Variants in ADAM19 observed in about 807,000 individuals in gnomAD.
ADAM19 encodes ADAM metallopeptidase domain 19, also known as disintegrin and metalloproteinase domain-containing protein 19.
In ADAM19, 65 loss-of-function variants were observed where a neutral mutation model predicts 114.7. The ratio of observed to expected loss-of-function variants is 0.57; its 90% CI spans 0.46 to 0.70. The LOEUF (loss-of-function observed/expected upper bound fraction) is 0.70, where lower values mean the gene tolerates loss of function less well. Among genes scored for constraint, ADAM19 ranks in the 30% least tolerant of loss-of-function variants. ADAM19 has a pLI of 0.00. For synonymous variants in ADAM19, 466 were observed against 460.5 expected (o/e 1.01, Z -0.15); for missense variants, 1,063 against 1,204.7 (o/e 0.88, Z 1.74).
intron 3 of ADAM19, among the ~76,000 whole-genome samples, chr5:157,560,425 C>A (rs993066342): frequency 2.0e-5 from 3 of 152,120 alleles, no homozygotes; most frequent in African/African-American, 4.8e-5. Flanking sequence ...GAGGTCAATG[C>A]TATGTCCACT....
intron 5 of ADAM19, among the ~76,000 whole-genome samples, chr5:157,527,134 G>C (rs1756487099): frequency 1.3e-5 from 2 of 152,180 alleles, no homozygotes; most frequent in African/African-American, 4.8e-5. Flanking sequence ...CAGTCATGGT[G>C]GATGGCAAAG....
intron 3 of ADAM19, among the ~76,000 whole-genome samples, chr5:157,550,646 A>G (rs1757168575): frequency 6.6e-6 from 1 of 151,852 alleles, no homozygotes; most frequent in South Asian, 2.1e-4. Context: ...AAATGAGTGA[A>G]CTATATGGTA....
In ADAM19 at chr5:157,532,970, G is replaced by A. The variant is rs536735210; in HGVS notation, c.331-2087C>T. On this transcript the variant is annotated intron_variant, in intron 4 of 22. Coordinates refer to ENST00000257527, the MANE Select transcript of ADAM19 (RefSeq NM_033274.5). ...GAGCTAGTAGAGTACTTGGCCGAGA[G>A]TGGCAGGCGATAAACATCGGCAACC... is the stretch of plus-strand genomic sequence containing the variant. 1.8e-4 allele frequency among the ~76,000 whole-genome samples: 27 copies of A among 152,320 alleles called. No individual in the cohort carries two copies. In the South Asian group the frequency reaches 5.4e-3, roughly 30 times the overall value.
intron 19 of ADAM19, 22 bp downstream of exon 19, chr5:157,490,288 C>A (rs1244559831): frequency 1.2e-6 from 2 of 1,613,238 alleles, no homozygotes; most frequent in Non-Finnish European, 8.5e-7. Flanking sequence ...GACCCTGAGT[C>A]CTCCATTGAA....
intron 15 of ADAM19, 87 bp downstream of exon 15, chr5:157,494,600 T>A: frequency 1.8e-6 from 2 of 1,089,928 alleles, no homozygotes; most frequent in Non-Finnish European, 2.8e-6. Flanking sequence ...CTGGGGCCAG[T>A]CACACTGCTG....
intron 1 of ADAM19, among the ~76,000 whole-genome samples, chr5:157,573,792 G>A (rs1757895036): frequency 6.6e-6 from 1 of 151,518 alleles, no homozygotes; most frequent in Non-Finnish European, 1.5e-5. Context: ...AATTAAAAAA[G>A]AAAGATAACC....
intron 11 of ADAM19, among the ~76,000 whole-genome samples, chr5:157,503,525 T>A (rs932849914): frequency 6.6e-5 from 10 of 152,144 alleles, no homozygotes; most frequent in African/African-American, 2.4e-4. Flanking sequence ...TCCTTAGTGA[T>A]GAGATATTAA....
At chr5:157,507,250 C>A (rs569755383) in intron 9 of ADAM19, 110 bp from the exon 10 acceptor site, 1 of 1,040,738 alleles carries the variant, frequency 9.6e-7, no homozygotes, top group East Asian at 2.6e-5. Flanking sequence ...CTGACTTTCC[C>A]AGGTCATTCC....
chr5:157,525,028 T>C (rs1417139947), intron 5 of ADAM19, among the ~76,000 whole-genome samples: 2 of 152,178 alleles, frequency 1.3e-5, no homozygotes, highest in Non-Finnish European at 2.9e-5. Context: ...GTCAAGGAGT[T>C]TGCACTCCTC....
intron 2 of ADAM19, among the ~76,000 whole-genome samples, chr5:157,567,775 C>G (rs1359157712): frequency 3.4e-5 from 5 of 145,898 alleles, no homozygotes; most frequent in African/African-American, 1.3e-4. Flanking sequence ...CCAGCCTAGG[C>G]AACAAGAGCG....
At chr5:157,491,163 G>A (rs1336586159) in intron 18 of ADAM19, among the ~76,000 whole-genome samples, 4 of 150,936 alleles carry the variant, frequency 2.7e-5, no homozygotes, top group African/African-American at 9.8e-5. Flanking sequence ...AGAAATCATA[G>A]TGCTAGAATC....
At chr5:157,534,857 C>T (rs1362609786) in intron 4 of ADAM19, among the ~76,000 whole-genome samples, 2 of 152,148 alleles carry the variant, frequency 1.3e-5, no homozygotes, top group East Asian at 3.8e-4. Context: ...GCAGCCTGGC[C>T]CCAAGCTCCA....
Position 157,494,798 on chromosome 5 carries a change from G to C in ADAM19, c.1595-3C>G. On this transcript the variant is annotated splice_region_variant and splice_polypyrimidine_tract_variant and intron_variant, in intron 14 of 22. Transcript: ENST00000257527. ...GAGGTCAGGGGCAGGTCGGGCTCCT[G>C]GGTGGGCAAGCAACATCTATCAGTA... The C allele has an allele frequency of 6.2e-7, 1 of 1,612,972 alleles. No homozygotes were observed. The highest frequency in any genetic ancestry group is 8.5e-7 in the Non-Finnish European group (1 of 1,179,154).
chr5:157,480,949 C>A lies in ADAM19; in HGVS notation c.2757G>T (p.Ter919TyrextTer67). Residue 919 changes from the stop codon to tyrosine (Y), a stop_lost, in exon 23 of 23, where the codon TAG (stop) becomes TAT (tyrosine). Coordinates refer to ENST00000257527, the MANE Select transcript of ADAM19 (RefSeq NM_033274.5). ...RAGGMISSKI* is the reference protein window; with the variant it reads ...RAGGMISSKIY ...AAAGGGAGAAGCCCCTTGGACAGGT[C>A]TAGATTTTCGAGCTAATCATCCCTC... 3 of 1,614,050 alleles carry A rather than the reference C, an allele frequency of 1.9e-6. No homozygotes were observed. Among genetic ancestry groups the A allele is most frequent in the Non-Finnish European group, 2.5e-6 (3 of 1,180,012 alleles).
chr5:157,527,160 T>C (rs990835892), intron 5 of ADAM19, among the ~76,000 whole-genome samples: 2 of 152,122 alleles, frequency 1.3e-5, no homozygotes, highest in Non-Finnish European at 2.9e-5. Flanking sequence ...GCAAGCACCT[T>C]CTTCACAAGA....
intron 5 of ADAM19, among the ~76,000 whole-genome samples, chr5:157,521,911 T>C (rs963424238): frequency 2.0e-5 from 3 of 152,224 alleles, no homozygotes; most frequent in Non-Finnish European, 4.4e-5. Context: ...AGCTGATGGT[T>C]CTGTGTGCAC....
At chr5:157,490,658 C>T (rs928274105) in intron 18 of ADAM19, among the ~76,000 whole-genome samples, 2 of 152,062 alleles carry the variant, frequency 1.3e-5, no homozygotes. Context: ...CTTTGGGAGG[C>T]CGCGGTCAGC....
intron 7 of ADAM19, among the ~76,000 whole-genome samples, chr5:157,518,055 G>A (rs1338625544): frequency 6.6e-6 from 1 of 152,064 alleles, no homozygotes; most frequent in Non-Finnish European, 1.5e-5. Context: ...GTCATCATTT[G>A]GCATCAACAT....
rs963677459 is a variant in ADAM19 at position 157,481,989 on chromosome 5, T to C, written c.2551-46A>G. On this transcript the variant is annotated intron_variant, in intron 21 of 22. Transcript: ENST00000257527. ...CTCACTTGAAGGCCAGAGGCCTGTT[T>C]GAAAGAAAATATCCCTGATATCTTA... 21 of 1,430,766 alleles carry C rather than the reference T, an allele frequency of 1.5e-5. No individual in the cohort carries two copies. In the African/African-American group the frequency reaches 2.0e-4, roughly 14 times the overall value. 88.6% of individuals were successfully genotyped at this position (1,430,766 alleles called of 1,614,324 possible).
Sources: allele counts gnomAD v4.1 joint callset (sites outside exome capture counted in the v4.1 genomes callset), GRCh38; gene constraint gnomAD v4.1.1; transcripts MANE v1.5; gene names NCBI Gene and HGNC (gene_info 2026-07-23, HGNC 2026-07-21).